AGAP1: variants seen among roughly 807,000 people sequenced by gnomAD.
The protein encoded by AGAP1 is arf-GAP with GTPase, ANK repeat and PH domain-containing protein 1.
AGAP1 carries 29 observed loss-of-function variants against 105.3 expected under a neutral mutation model. That is an observed-to-expected ratio of 0.28 (90% CI 0.21 to 0.38). The LOEUF is 0.38. AGAP1 is among the 10% of genes least tolerant of loss of function. The probability of loss-of-function intolerance (pLI) is 1.00; values close to 1 mark genes in which losing one functional copy is unlikely to be tolerated. For missense variants in AGAP1, 998 were observed against 1,165.1 expected, an observed-to-expected ratio of 0.86 and a Z score of 2.09; for synonymous variants, 509 against 485.9, an observed-to-expected ratio of 1.05 and a Z score of -0.63.
chr2:236,056,663 C>T lies in AGAP1; in HGVS notation c.2114+7382C>T, dbSNP rs2058059624. ...TCAGTCGTGTTTTGCTTATTTTGCA[C>T]CAGAGACTCTCTGTCTTCTAGTGAA... On this transcript the variant is annotated intron_variant, in intron 16 of 17. Coordinates refer to ENST00000304032, the MANE Select transcript of AGAP1 (RefSeq NM_001037131.3). The surrounding 1 kb of genome is among the most constrained non-coding windows in gnomAD (Gnocchi z 4.6). 6.6e-6 allele frequency among the ~76,000 whole-genome samples: 1 copy of T among 152,204 alleles called. No individual in the cohort carries two copies. Among genetic ancestry groups the T allele is most frequent in the Non-Finnish European group, 1.5e-5 (1 of 68,040 alleles).
intron 16 of AGAP1, among the ~76,000 whole-genome samples, chr2:236,054,966 T>C (rs2058011927): frequency 6.6e-6 from 1 of 151,536 alleles, no homozygotes; most frequent in South Asian, 2.1e-4. Flanking sequence ...CTCAAGTGAG[T>C]AATAGAGGCA....
chr2:236,007,309 TC>T (rs1220094547), intron 13 of AGAP1, among the ~76,000 whole-genome samples: 1 of 152,222 alleles, frequency 6.6e-6, no homozygotes, highest in Non-Finnish European at 1.5e-5. Flanking sequence ...TCACCAGTCT[TC>T]AGTTCAGATG....
chr2:235,728,179 C>T lies in AGAP1; in HGVS notation c.310+10535C>T, dbSNP rs1221518348. On this transcript the variant is annotated intron_variant, in intron 3 of 17. Transcript: ENST00000304032. The surrounding 1 kb of genome is among the most constrained non-coding windows in gnomAD (Gnocchi z 4.3). ...AGAAACTCCCAACGGCAAATTAGGT[C>T]GAGTGCCAGAAAGAATTACATCAGG... Among the ~76,000 whole-genome samples, 3 of 152,026 alleles carry T rather than the reference C, an allele frequency of 2.0e-5. No individual in the cohort carries two copies. Among genetic ancestry groups the T allele is most frequent in the Admixed American group, 1.3e-4 (2 of 15,258 alleles).
At chr2:235,949,910 T>C (rs1438390314) in intron 12 of AGAP1, among the ~76,000 whole-genome samples, 1 of 152,218 alleles carries the variant, frequency 6.6e-6, no homozygotes, top group East Asian at 1.9e-4. Flanking sequence ...AAAAGTATCA[T>C]GGATCTAGAA....
intron 16 of AGAP1, among the ~76,000 whole-genome samples, chr2:236,099,894 C>A (rs1364420488): frequency 1.7e-4 from 26 of 151,936 alleles, no homozygotes; most frequent in Admixed American, 1.7e-3. Context: ...ACAAAAATTA[C>A]CCAAGCATGG....
At chr2:235,498,173 C>T (rs79530286) in intron 1 of AGAP1, among the ~76,000 whole-genome samples, 2,620 of 152,270 alleles carry the variant, frequency 0.017, 30 homozygotes, top group Middle Eastern at 0.099. Context: ...CAAATAAAAA[C>T]ACATCCGTAA....
At position 236,058,879 on chromosome 2, in the gene AGAP1, T is replaced by C. The variant is rs931556287; in HGVS notation, c.2114+9598T>C. On this transcript the variant is annotated intron_variant, in intron 16 of 17. Transcript: ENST00000304032. The surrounding 1 kb of genome is among the most constrained non-coding windows in gnomAD (Gnocchi z 4.6). ...AGGATACAAGATCAATGTGCAAAAC[T>C]CTTAGCTGGCCATGGTGGCACAGTT... Among the ~76,000 whole-genome samples the C allele has an allele frequency of 6.6e-6, 1 of 152,174 alleles. No homozygotes were observed. The highest frequency in any genetic ancestry group is 1.5e-5 in the Non-Finnish European group (1 of 68,046).
chr2:235,996,454 A>G (rs573515413), intron 13 of AGAP1, among the ~76,000 whole-genome samples: 10 of 152,360 alleles, frequency 6.6e-5, no homozygotes, highest in South Asian at 6.2e-4. Flanking sequence ...GCATTATTCT[A>G]TTACCACCTA....
intron 1 of AGAP1, among the ~76,000 whole-genome samples, chr2:235,558,031 G>T (rs138642231): frequency 6.6e-6 from 1 of 152,320 alleles, no homozygotes; most frequent in African/African-American, 2.4e-5. Flanking sequence ...CTGGGGCAGA[G>T]TCCATCTGTG....
At chr2:235,846,894 C>G (rs1392401239) in intron 9 of AGAP1, among the ~76,000 whole-genome samples, 1 of 152,220 alleles carries the variant, frequency 6.6e-6, no homozygotes, top group Non-Finnish European at 1.5e-5. Context: ...TCCCAAAGTG[C>G]TGGGATGACA....
At chr2:235,668,110 A>G (rs1395754879) in intron 1 of AGAP1, among the ~76,000 whole-genome samples, 1 of 152,148 alleles carries the variant, frequency 6.6e-6, no homozygotes, top group South Asian at 2.1e-4. Context: ...AGGCTGAGGT[A>G]TGACCCTGTG....
At chr2:235,885,346 G>A (rs1396618664) in intron 10 of AGAP1, among the ~76,000 whole-genome samples, 2 of 152,068 alleles carry the variant, frequency 1.3e-5, no homozygotes, top group African/African-American at 4.8e-5. Context: ...TGATCCCACG[G>A]TATCTGAAAA....
chr2:235,914,062 G>GC (rs1193545486), intron 11 of AGAP1, among the ~76,000 whole-genome samples: 1 of 152,020 alleles, frequency 6.6e-6, no homozygotes, highest in Non-Finnish European at 1.5e-5. Context: ...TTTTAGAGAG[G>GC]CGGGGTCTAT....
intron 13 of AGAP1, among the ~76,000 whole-genome samples, chr2:235,974,361 C>T (rs1295301102): frequency 2.0e-5 from 3 of 152,170 alleles, no homozygotes; most frequent in Non-Finnish European, 2.9e-5. Flanking sequence ...TTATATGGCT[C>T]ATAACATCTA....
intron 13 of AGAP1, among the ~76,000 whole-genome samples, chr2:236,024,618 T>C (rs2056993876): frequency 1.3e-5 from 2 of 152,178 alleles, no homozygotes; most frequent in African/African-American, 2.4e-5. Flanking sequence ...AAAAAAATAA[T>C]TGATGACGGA....
chr2:235,807,168 C>A (rs1957879694), intron 8 of AGAP1, 71 bp from the exon 9 acceptor site: 2 of 1,481,106 alleles, frequency 1.4e-6, no homozygotes, highest in Non-Finnish European at 1.8e-6. Context: ...AGGAATTCTG[C>A]AAACAGGGGC....
rs946316342 is a variant in AGAP1 at position 235,712,628 on chromosome 2, T to G, written c.222+3391T>G. ...TGGAGAAATCAGTTTAGGAAGACAT[T>G]GCATTCCCTTTGGCCTTGTGATGTG... On this transcript the variant is annotated intron_variant, in intron 2 of 17. Coordinates refer to ENST00000304032, the MANE Select transcript of AGAP1 (RefSeq NM_001037131.3). This position sits in a 1 kb window ranked among gnomAD's most constrained non-coding sequence, Gnocchi z 6.0. Among the ~76,000 whole-genome samples, 1 of 152,236 alleles carries G rather than the reference T, an allele frequency of 6.6e-6. No individual in the cohort carries two copies. The highest frequency in any genetic ancestry group is 1.5e-5 in the Non-Finnish European group (1 of 68,040).
chr2:235,685,822 G>T (rs1264611486), intron 1 of AGAP1, among the ~76,000 whole-genome samples: 1 of 152,096 alleles, frequency 6.6e-6, no homozygotes, highest in Non-Finnish European at 1.5e-5. Flanking sequence ...AGCCTCAGGA[G>T]ATCTAACAAC....
In AGAP1 at chr2:235,505,289, G is replaced by C. The variant is rs553691478; in HGVS notation, c.163+10440G>C. On this transcript the variant is annotated intron_variant, in intron 1 of 17. Transcript: ENST00000304032. The stretch of plus-strand genomic sequence containing the variant: ...AAGGAGTAATTTTCTTTGTTCCAGC[G>C]CTGTGTCCTGGGAGCTGCCCATCCC... Among the ~76,000 whole-genome samples the C allele has an allele frequency of 7.6e-4, 116 of 152,316 alleles. 1 individual carries two copies. The highest frequency in any genetic ancestry group is 2.7e-3 in the African/African-American group (112 of 41,576).
Sources: gnomAD v4.1 joint callset for allele counts (sites outside exome capture counted in the v4.1 genomes callset) on GRCh38, gnomAD v4.1.1 for gene constraint, Gnocchi (gnomAD v3.1) non-coding constraint, MANE v1.5 for transcripts, NCBI Gene and HGNC (gene_info 2026-07-23, HGNC 2026-07-21) for gene names.